Variants in ILDR1 observed in about 807,000 individuals in gnomAD.
The protein encoded by ILDR1 is immunoglobulin-like domain-containing receptor 1.
A neutral mutation model predicts 62.4 loss-of-function variants in ILDR1; 56 were observed. That is an observed-to-expected ratio of 0.90 (90% CI 0.72 to 1.12). ILDR1 has a LOEUF of 1.12. Among genes scored for constraint, ILDR1 ranks in the 50% most tolerant of loss-of-function variants. The probability of loss-of-function intolerance (pLI) is 0.00; values close to 1 mark genes in which losing one functional copy is unlikely to be tolerated. For synonymous variants in ILDR1, 284 were observed against 277.8 expected (o/e 1.02, Z -0.22); for missense variants, 736 against 710.6 (o/e 1.04, Z -0.41).
upstream of ILDR1, among the ~76,000 whole-genome samples, chr3:122,024,605 T>A (rs1290113749): frequency 6.6e-6 from 1 of 152,268 alleles, no homozygotes; most frequent in Non-Finnish European, 1.5e-5. Context: ...TGATTTATTA[T>A]GTACTATGTA....
chr3:122,002,480 C>G (rs544334875), intron 3 of ILDR1, among the ~76,000 whole-genome samples: 31 of 152,190 alleles, frequency 2.0e-4, no homozygotes, highest in Admixed American at 2.0e-4. Context: ...ATGAGATGAA[C>G]TTGAATAAAG....
chr3:122,009,843 C>G (rs2071677979), intron 1 of ILDR1, among the ~76,000 whole-genome samples: 1 of 152,262 alleles, frequency 6.6e-6, no homozygotes, highest in East Asian at 1.9e-4. Context: ...TGATAGGCAC[C>G]TGCATCTGGG....
the ILDR1 span, among the ~76,000 whole-genome samples, chr3:122,048,022 C>T: frequency 2.0e-5 from 3 of 152,234 alleles, no homozygotes; most frequent in African/African-American, 7.2e-5. Flanking sequence ...GCAGACTTAC[C>T]TTGTTCCTCA....
chr3:122,012,372 C>G (rs2071717552), intron 1 of ILDR1, among the ~76,000 whole-genome samples: 2 of 152,256 alleles, frequency 1.3e-5, no homozygotes, highest in East Asian at 1.9e-4. Context: ...TTCTCCTCCC[C>G]AGTTCATTGA....
chr3:122,036,172 T>A, the ILDR1 span, among the ~76,000 whole-genome samples: 1 of 152,226 alleles, frequency 6.6e-6, no homozygotes, highest in South Asian at 2.1e-4. Context: ...AGAGATGATT[T>A]AGGGCATCTG....
chr3:122,055,424 A>T, the ILDR1 span: 3 of 1,517,530 alleles, frequency 2.0e-6, no homozygotes, highest in Non-Finnish European at 2.7e-6. Flanking sequence ...TGTAACAGGG[A>T]CTAGCACAGA....
chr3:122,019,368 C>G (rs1302666972), intron 1 of ILDR1, among the ~76,000 whole-genome samples: 1 of 151,894 alleles, frequency 6.6e-6, no homozygotes, highest in Non-Finnish European at 1.5e-5. Flanking sequence ...GATCATTTTG[C>G]TTCCATTTTA....
At chr3:122,056,820 T>C in the ILDR1 span, among the ~76,000 whole-genome samples, 1 of 152,224 alleles carries the variant, frequency 6.6e-6, no homozygotes, top group East Asian at 1.9e-4. Context: ...AAAAAAAGAA[T>C]TTCAAAATTT....
At chr3:122,013,581 T>C (rs530181870) in intron 1 of ILDR1, among the ~76,000 whole-genome samples, 24 of 152,120 alleles carry the variant, frequency 1.6e-4, no homozygotes, top group Admixed American at 5.9e-4. Flanking sequence ...GCCTGTTACA[T>C]TTCCTCAGAT....
chr3:121,989,135 A>G (rs2071299356), intron 7 of ILDR1, among the ~76,000 whole-genome samples: 1 of 152,206 alleles, frequency 6.6e-6, no homozygotes, highest in Admixed American at 6.5e-5. Flanking sequence ...CCTAAAATAT[A>G]CTGCTCAAAA....
chr3:122,053,108 T>C, the ILDR1 span, among the ~76,000 whole-genome samples: 2 of 152,184 alleles, frequency 1.3e-5, no homozygotes, highest in Non-Finnish European at 1.5e-5. Flanking sequence ...CTGTGTATAG[T>C]TAAGTTAGTG....
At chr3:122,033,333 T>C in the ILDR1 span, among the ~76,000 whole-genome samples, 1 of 152,146 alleles carries the variant, frequency 6.6e-6, no homozygotes, top group Non-Finnish European at 1.5e-5. Context: ...TTTTATTTAT[T>C]CACTTTCCTT....
chr3:122,037,331 T>C, the ILDR1 span, among the ~76,000 whole-genome samples: 468 of 152,296 alleles, frequency 3.1e-3, no homozygotes, highest in Non-Finnish European at 5.2e-3. Flanking sequence ...AAAGGGGCTG[T>C]ACCCTGCAGA....
At chr3:121,988,511 G>C (rs1327185468) in intron 7 of ILDR1, 103 bp from the exon 8 acceptor site, 7 of 929,390 alleles carry the variant, frequency 7.5e-6, no homozygotes, top group Non-Finnish European at 1.2e-5. Context: ...CTAAGTGGGT[G>C]GTGGCTGCCA....
the ILDR1 span, among the ~76,000 whole-genome samples, chr3:122,060,605 T>A: frequency 6.6e-6 from 1 of 151,726 alleles, no homozygotes; most frequent in Non-Finnish European, 1.5e-5. Flanking sequence ...CTGAGCAACA[T>A]AGCGAGACTC....
chr3:122,030,597 G>C, the ILDR1 span, among the ~76,000 whole-genome samples: 26 of 149,968 alleles, frequency 1.7e-4, no homozygotes, highest in African/African-American at 5.7e-4. Context: ...TGTGAGCTCA[G>C]TCCCAGAACA....
At chr3:122,056,255 G>A in the ILDR1 span, among the ~76,000 whole-genome samples, 1 of 152,278 alleles carries the variant, frequency 6.6e-6, no homozygotes, top group East Asian at 1.9e-4. Context: ...TCTCCATGCT[G>A]TGGAGACTTC....
the ILDR1 span, among the ~76,000 whole-genome samples, chr3:122,039,787 A>T: frequency 6.6e-6 from 1 of 152,068 alleles, no homozygotes; most frequent in African/African-American, 2.4e-5. Flanking sequence ...AAAAGAATTG[A>T]TTGTTTAAAG....
chr3:122,002,280 G>A (rs2071539912), intron 3 of ILDR1, among the ~76,000 whole-genome samples: 1 of 152,178 alleles, frequency 6.6e-6, no homozygotes. Context: ...AAGACTCAAA[G>A]GAACTGGCCT....
Sources: gnomAD v4.1 joint callset for allele counts (sites outside exome capture counted in the v4.1 genomes callset) on GRCh38, gnomAD v4.1.1 for gene constraint, MANE v1.5 for transcripts, NCBI Gene and HGNC (gene_info 2026-07-23, HGNC 2026-07-21) for gene names.